PRKN: variants seen among roughly 807,000 people sequenced by gnomAD.
PRKN encodes E3 ubiquitin-protein ligase parkin.
PRKN carries 56 observed loss-of-function variants against 59.5 expected under a neutral mutation model. The observed-to-expected ratio is 0.94, with a 90% CI of 0.76 to 1.18. The LOEUF is 1.18. Ranked by LOEUF, PRKN falls within the 50% of genes most tolerant of loss-of-function variation. The pLI is 0.00. For synonymous variants in PRKN, 250 were observed against 222.1 expected (o/e 1.13, Z -1.12); for missense variants, 657 against 596.4 (o/e 1.10, Z -1.06).
At chr6:162,235,877 AAGAG>A (rs1188472842) in intron 3 of PRKN, among the ~76,000 whole-genome samples, 2 of 149,734 alleles carry the variant, frequency 1.3e-5, no homozygotes, top group African/African-American at 4.9e-5. Flanking sequence ...GACGGAAAGA[AAGAG>A]AGAGAAAGAA....
intron 2 of PRKN, among the ~76,000 whole-genome samples, chr6:162,287,519 G>C (rs7740578): frequency 0.061 from 9,266 of 152,200 alleles, 414 homozygotes; most frequent in African/African-American, 0.12. Context: ...AGTGAGCCAT[G>C]ATCATGCCAC....
intron 7 of PRKN, among the ~76,000 whole-genome samples, chr6:161,666,020 C>T (rs1463158418): frequency 6.6e-6 from 1 of 152,182 alleles, no homozygotes; most frequent in Non-Finnish European, 1.5e-5. Flanking sequence ...GACTGCATCG[C>T]CTGGATTCCA....
At chr6:162,533,419 T>C (rs778071897) in intron 1 of PRKN, among the ~76,000 whole-genome samples, 9 of 152,062 alleles carry the variant, frequency 5.9e-5, no homozygotes, top group Non-Finnish European at 1.2e-4. Flanking sequence ...TCCCAGCTAC[T>C]TGGGGAGCTG....
intron 5 of PRKN, among the ~76,000 whole-genome samples, chr6:162,012,913 T>G (rs1252566503): frequency 6.6e-6 from 1 of 152,210 alleles, no homozygotes; most frequent in African/African-American, 2.4e-5. Context: ...TTGGTTCAGG[T>G]GGTTCCTGCC....
rs1223261141 is a variant in PRKN, at chr6:161,400,662, C to T, written c.1084-13785G>A. Among the ~76,000 whole-genome samples the T allele has an allele frequency of 4.8e-5, 7 of 146,872 alleles. No individual in the cohort carries two copies. The highest frequency in any genetic ancestry group is 1.0e-4 in the African/African-American group (4 of 40,016). On this transcript the variant is annotated intron_variant, in intron 9 of 11. Transcript: ENST00000366898. This position sits in a 1 kb window ranked among gnomAD's most constrained non-coding sequence, Gnocchi z 4.2. ...AAAGAAATTCAGATTTTTTTTTTTT[C>T]GAATAAAGGATGCTGTGTTTATTTT...
intron 1 of PRKN, among the ~76,000 whole-genome samples, chr6:162,444,464 G>A (rs74676464): frequency 0.023 from 3,486 of 151,036 alleles, 149 homozygotes; most frequent in African/African-American, 0.079. Context: ...ATCTCCATGT[G>A]TACTCTTTTA....
At chr6:162,125,313 A>T (rs1204910025) in intron 4 of PRKN, among the ~76,000 whole-genome samples, 2 of 152,128 alleles carry the variant, frequency 1.3e-5, no homozygotes, top group Non-Finnish European at 2.9e-5. Context: ...AGGGAGAAAC[A>T]CAGCCCCCCT....
At chr6:162,203,053 G>A (rs1784796055) in intron 3 of PRKN, among the ~76,000 whole-genome samples, 1 of 152,162 alleles carries the variant, frequency 6.6e-6, no homozygotes, top group South Asian at 2.1e-4. Context: ...CGCTAGCATT[G>A]TTGAAAGAGC....
chr6:162,107,074 A>G lies in PRKN; in HGVS notation c.535-52900T>C, dbSNP rs369179223. On this transcript the variant is annotated intron_variant, in intron 4 of 11. Transcript: ENST00000366898. The stretch of plus-strand genomic sequence containing the variant: ...CTCACTCAGAGGTGAGCGTAGGGTT[A>G]GAAGAAAAAAATGGGAACAGTTATC... Among the ~76,000 whole-genome samples, 24 of 152,350 alleles carry G rather than the reference A, an allele frequency of 1.6e-4. No individual in the cohort carries two copies. The East Asian group carries it at 3.1e-3, about 20-fold the overall frequency.
chr6:161,788,496 CT>C (rs920359531), intron 6 of PRKN, among the ~76,000 whole-genome samples: 2 of 152,172 alleles, frequency 1.3e-5, no homozygotes, highest in African/African-American at 4.8e-5. Context: ...TGAAGTGTAT[CT>C]TCCTAGGGAC....
intron 2 of PRKN, among the ~76,000 whole-genome samples, chr6:162,371,466 A>G (rs1562708995): frequency 6.6e-6 from 1 of 152,072 alleles, no homozygotes; most frequent in African/African-American, 2.4e-5. Flanking sequence ...AGACTTTCAA[A>G]CCCGGCTTTC....
At chr6:162,425,080 C>G (rs1413353707) in intron 2 of PRKN, among the ~76,000 whole-genome samples, 1 of 151,940 alleles carries the variant, frequency 6.6e-6, no homozygotes, top group African/African-American at 2.4e-5. Flanking sequence ...AAAAAATCTA[C>G]CCATCAGAAC....
chr6:162,064,450 T>C (rs1778242755), intron 4 of PRKN, among the ~76,000 whole-genome samples: 1 of 152,214 alleles, frequency 6.6e-6, no homozygotes, highest in South Asian at 2.1e-4. Context: ...TTCAGTGATT[T>C]CCTCTTAGCT....
Position 161,652,874 on chromosome 6 carries a change from G to C in PRKN, c.872-83458C>G, listed in dbSNP as rs73595399. 9.5e-3 allele frequency among the ~76,000 whole-genome samples: 1,454 copies of C among 152,278 alleles called. 24 individuals are homozygous for C. Among genetic ancestry groups the C allele is most frequent in the African/African-American group, 0.033 (1,385 of 41,552 alleles). On this transcript the variant is annotated intron_variant, in intron 7 of 11. Transcript: ENST00000366898. ...CAGGTGATGTAAAGTTATAAAAGCT[G>C]AATTTGCTTTTAATACCAATTCAAC...
chr6:162,485,067 C>T (rs575306194), intron 1 of PRKN, among the ~76,000 whole-genome samples: 5 of 152,230 alleles, frequency 3.3e-5, no homozygotes, highest in African/African-American at 1.2e-4. Context: ...ATAAAAAATA[C>T]ATTTTATATA....
intron 1 of PRKN, among the ~76,000 whole-genome samples, chr6:162,610,292 G>A (rs1000379164): frequency 2.6e-5 from 4 of 152,154 alleles, no homozygotes; most frequent in Non-Finnish European, 5.9e-5. Flanking sequence ...CAGACCTCAG[G>A]AGGACTGCCT....
intron 2 of PRKN, among the ~76,000 whole-genome samples, chr6:162,404,701 C>T (rs781140320): frequency 1.3e-5 from 2 of 152,090 alleles, no homozygotes; most frequent in South Asian, 2.1e-4. Flanking sequence ...TACAGGCGTG[C>T]ACCACCACAC....
intron 2 of PRKN, among the ~76,000 whole-genome samples, chr6:162,279,148 T>C (rs894842039): frequency 6.6e-6 from 1 of 151,762 alleles, no homozygotes; most frequent in African/African-American, 2.4e-5. Context: ...CTGGCCAACA[T>C]GGTGAAACCC....
At chr6:161,883,816 C>G (rs1316438659) in intron 6 of PRKN, among the ~76,000 whole-genome samples, 1 of 152,034 alleles carries the variant, frequency 6.6e-6, no homozygotes, top group Non-Finnish European at 1.5e-5. Context: ...CCACGCCCAG[C>G]CAATTTTTGT....
Sources: gnomAD v4.1 joint callset for allele counts (sites outside exome capture counted in the v4.1 genomes callset) on GRCh38, gnomAD v4.1.1 for gene constraint, Gnocchi (gnomAD v3.1) non-coding constraint, MANE v1.5 for transcripts, NCBI Gene and HGNC (gene_info 2026-07-23, HGNC 2026-07-21) for gene names.